KRT73: variants seen among roughly 807,000 people sequenced by gnomAD.
KRT73 encodes keratin, type II cytoskeletal 73.
A neutral mutation model predicts 47.2 loss-of-function variants in KRT73; 44 were observed. The ratio of observed to expected loss-of-function variants is 0.93; its 90% CI spans 0.73 to 1.20. The LOEUF (loss-of-function observed/expected upper bound fraction) is 1.20. Ranked by LOEUF, KRT73 falls within the 50% of genes most tolerant of loss-of-function variation. KRT73 has a pLI of 0.00. For synonymous variants in KRT73, 285 were observed against 291.3 expected (o/e 0.98, Z 0.22); for missense variants, 713 against 704.5 (o/e 1.01, Z -0.14).
chr12:52,615,332 C>T lies in KRT73; in HGVS notation c.670G>A (p.Glu224Lys), dbSNP rs1565630200. 6.2e-7 allele frequency: 1 copy of T among 1,613,952 alleles called. No individual in the cohort carries two copies. The highest frequency in any genetic ancestry group is 8.5e-7 in the Non-Finnish European group (1 of 1,179,878). ...VVEDYKKRYE[E>K]EINKRTTAEN... ...GCAGTTGTGCGCTTGTTTATTTCTT[C>T]TTCATACCTGCAGGGAAAGCATCAC... The change falls in exon 3 of 9, where the codon GAA becomes AAA. Residue 224 changes from glutamate to lysine, a missense_variant. Glu to Lys is a moderately conservative substitution (Grantham distance 56). Coordinates refer to ENST00000305748, the MANE Select transcript of KRT73 (RefSeq NM_175068.3).
At chr12:52,623,363 A>G (rs1307353941), upstream of KRT73, among the ~76,000 whole-genome samples, 2 of 152,368 alleles carry the variant, frequency 1.3e-5, no homozygotes, top group Non-Finnish European at 2.9e-5. Context: ...TTGATGCAGA[A>G]TTCAGTGCCC....
chr12:52,625,119 C>T, the KRT73 span, among the ~76,000 whole-genome samples: 1 of 152,122 alleles, frequency 6.6e-6, no homozygotes, highest in Non-Finnish European at 1.5e-5. Context: ...ACATCAAAAG[C>T]ATAATCCATA....
chr12:52,616,061 G>T, intron 2 of KRT73, 105 bp downstream of exon 2: 2 of 1,384,214 alleles, frequency 1.4e-6, no homozygotes, highest in Non-Finnish European at 2.0e-6. Context: ...ATCTTGCTGG[G>T]ACAGATGAAC....
chr12:52,608,585 C>CCCAAG, intron 8 of KRT73, 133 bp from the exon 9 acceptor site: 1 of 802,270 alleles, frequency 1.2e-6, no homozygotes, highest in Non-Finnish European at 1.9e-6. Flanking sequence ...CAACCATGAA[C>CCCAAG]TTGGGTTCAT....
chr12:52,608,976 G>A (rs1462222385), intron 8 of KRT73, among the ~76,000 whole-genome samples: 1 of 152,166 alleles, frequency 6.6e-6, no homozygotes, highest in Non-Finnish European at 1.5e-5. Flanking sequence ...TGACAGAAGA[G>A]GGGAGGGGCT....
At chr12:52,609,324 TCC>T (rs1474557313) in intron 7 of KRT73, 43 bp from the exon 8 acceptor site, 12 of 1,566,846 alleles carry the variant, frequency 7.7e-6, no homozygotes, top group Non-Finnish European at 6.2e-6. Context: ...TCACGTGGAC[TCC>T]CATAGTGGCC....
At position 52,608,402 on chromosome 12, in the gene KRT73, CA is replaced by C; in HGVS notation, c.1416del (p.Phe472LeufsTer58). ...CCGTAGGTGCCAGCATTGCTGAATC[CA>C]AAGCCAGCCCCTGTGCCTGCCATCC... ...MAGMAGTGAG[F>X]GFSNAGTYGY... On this transcript the variant is annotated frameshift_variant, in exon 9 of 9. Transcript: ENST00000305748. LOFTEE classifies it low-confidence loss of function (END_TRUNC). 1 of 1,612,524 alleles carries C rather than the reference CA, an allele frequency of 6.2e-7. No homozygotes were observed. The highest frequency in any genetic ancestry group is 1.1e-5 in the South Asian group (1 of 90,962).
In KRT73 at chr12:52,616,304, CAGTTG is replaced by C; in HGVS notation, c.519_523del (p.Asn173LysfsTer4). 1.2e-6 allele frequency: 2 copies of C among 1,614,208 alleles called. No homozygotes were observed. The highest frequency in any genetic ancestry group is 1.7e-6 in the Non-Finnish European group (2 of 1,180,048). ...AAGGATGGGCTCCAGGTTATTCTTG[CAGTTG>C]TTCAGGTCCAGCTGCTGTAGCAGCT... On this transcript the variant is annotated frameshift_variant, in exon 2 of 9. Coordinates refer to ENST00000305748, the MANE Select transcript of KRT73 (RefSeq NM_175068.3). LOFTEE classifies it high-confidence loss of function.
At chr12:52,620,109 C>CTTTTTTTT (rs10638831), upstream of KRT73, among the ~76,000 whole-genome samples, 533 of 94,314 alleles carry the variant, frequency 5.7e-3, 1 homozygote, top group Non-Finnish European at 7.5e-3. Context: ...TCCTTTTTTT[C>CTTTTTTTT]TTTTTTTTTT....
intron 1 of KRT73, 34 bp from the exon 2 acceptor site, chr12:52,616,414 G>C (rs1372806933): frequency 6.2e-7 from 1 of 1,611,512 alleles, no homozygotes; most frequent in Non-Finnish European, 8.5e-7. Context: ...TAAGCAATGT[G>C]GAGAGGGGAT....
chr12:52,611,368 G>T, intron 5 of KRT73, 39 bp from the exon 6 acceptor site: 1 of 1,612,408 alleles, frequency 6.2e-7, no homozygotes, highest in African/African-American at 1.3e-5. Flanking sequence ...ACTGACTCAG[G>T]GCTTGGCTGG....
intron 3 of KRT73, chr12:52,615,058 G>C: frequency 1.9e-6 from 1 of 540,372 alleles, no homozygotes; most frequent in Non-Finnish European, 3.3e-6. Flanking sequence ...ACATGAGTTG[G>C]GACTGACTAT....
chr12:52,612,162 TG>T (rs1434518619), intron 5 of KRT73, among the ~76,000 whole-genome samples: 1 of 152,170 alleles, frequency 6.6e-6, no homozygotes, highest in Non-Finnish European at 1.5e-5. Flanking sequence ...ATACCTTAGC[TG>T]GGCCCCAGCC....
At chr12:52,611,394 G>A (rs967533805) in intron 5 of KRT73, 65 bp from the exon 6 acceptor site, 2 of 1,600,792 alleles carry the variant, frequency 1.2e-6, no homozygotes, top group East Asian at 2.2e-5. Context: ...GCCTGGTACA[G>A]AGACTGTGCC....
In KRT73 at chr12:52,618,263, T is replaced by A. The variant is rs1459547629; in HGVS notation, c.262A>T (p.Ser88Cys). The change falls in exon 1 of 9, where the codon AGT (serine) becomes TGT (cysteine). Residue 88 changes from serine to cysteine, a missense_variant. Physicochemically the swap from Ser to Cys is moderately radical, Grantham distance 112. Coordinates refer to ENST00000305748, the MANE Select transcript of KRT73 (RefSeq NM_175068.3). ...ASGFAGSMFGSVALGSVCPSL... is the reference protein window; with the variant it reads ...ASGFAGSMFGCVALGSVCPSL... The stretch of plus-strand genomic sequence containing the variant: ...GGACACACGGACCCCAAGGCCACAC[T>A]GCCAAACATGCTGCCAGCAAAGCCA... 1 of 1,614,130 alleles carries A rather than the reference T, an allele frequency of 6.2e-7. No homozygotes were observed. The highest frequency in any genetic ancestry group is 1.3e-5 in the African/African-American group (1 of 75,034).
At position 52,618,302 on chromosome 12, in the gene KRT73, G is replaced by C; in HGVS notation, c.223C>G (p.Arg75Gly). The C allele has an allele frequency of 3.7e-6, 6 of 1,614,152 alleles. No individual in the cohort carries two copies. Among genetic ancestry groups the C allele is most frequent in the Non-Finnish European group, 5.1e-6 (6 of 1,180,024 alleles). The change falls in exon 1 of 9, where the codon CGG (arginine) becomes GGG (glycine). Residue 75 changes from arginine to glycine, a missense_variant. By Grantham distance (125) the Arg-to-Gly change is moderately radical (BLOSUM62 -2). Coordinates refer to ENST00000305748, the MANE Select transcript of KRT73 (RefSeq NM_175068.3). ...SGWAGGYGFG[R>G]GRASGFAGSM... ...CCAGCAAAGCCACTGGCCCGGCCCC[G>C]GCCAAATCCATAGCCTCCTGCCCAC...
At chr12:52,622,192 G>A (rs527991479), upstream of KRT73, among the ~76,000 whole-genome samples, 3 of 152,170 alleles carry the variant, frequency 2.0e-5, no homozygotes, top group Non-Finnish European at 1.5e-5. Context: ...AAAATTATCT[G>A]ACAAAGATTT....
chr12:52,623,415 T>A (rs1470191859), upstream of KRT73, among the ~76,000 whole-genome samples: 1 of 152,068 alleles, frequency 6.6e-6, no homozygotes, highest in Non-Finnish European at 1.5e-5. Flanking sequence ...ATGAAAACAT[T>A]CTCAGATGAA....
At chr12:52,615,594 C>T (rs764552486) in intron 2 of KRT73, among the ~76,000 whole-genome samples, 4 of 152,192 alleles carry the variant, frequency 2.6e-5, no homozygotes, top group Middle Eastern at 6.8e-3. Flanking sequence ...TAGGTTCTTC[C>T]TCTTCCCACT....
Sources: allele counts gnomAD v4.1 joint callset (sites outside exome capture counted in the v4.1 genomes callset), GRCh38; gene constraint gnomAD v4.1.1; transcripts MANE v1.5; gene names NCBI Gene and HGNC (gene_info 2026-07-23, HGNC 2026-07-21).